ADAMTS18: variants seen among roughly 807,000 people sequenced by gnomAD.
ADAMTS18 encodes the protein A disintegrin and metalloproteinase with thrombospondin motifs 18.
A neutral mutation model predicts 165.9 loss-of-function variants in ADAMTS18; 157 were observed. The ratio of observed to expected loss-of-function variants is 0.95; its 90% CI spans 0.83 to 1.08. The LOEUF (loss-of-function observed/expected upper bound fraction) is 1.08, where lower values mean the gene tolerates loss of function less well. Among genes scored for constraint, ADAMTS18 ranks in the 50% least tolerant of loss-of-function variants. ADAMTS18 has a pLI of 0.00. For missense variants in ADAMTS18, 2,040 were observed against 1,534.0 expected, an observed-to-expected ratio of 1.33 and a Z score of -5.51; for synonymous variants, 782 against 578.2, an observed-to-expected ratio of 1.35 and a Z score of -5.06.
chr16:77,346,513 T>TA (rs35206986), intron 10 of ADAMTS18, among the ~76,000 whole-genome samples: 6 of 152,064 alleles, frequency 3.9e-5, no homozygotes, highest in East Asian at 1.9e-4. Context: ...CAGTATATGC[T>TA]AAAAAAAACT....
At chr16:77,290,867 A>ATTACATTGTTCAGAAACATGATG (rs1555508181) in intron 21 of ADAMTS18, 1 of 256,192 alleles carries the variant, frequency 3.9e-6, no homozygotes, top group Non-Finnish European at 7.6e-6. Flanking sequence ...AATATTAGCT[A>ATTACATTGTTCAGAAACATGATG]TTACATTGTT....
At chr16:77,416,379 C>T (rs1336541668) in intron 3 of ADAMTS18, among the ~76,000 whole-genome samples, 1 of 152,082 alleles carries the variant, frequency 6.6e-6, no homozygotes, top group Non-Finnish European at 1.5e-5. Context: ...GGGCTATGTC[C>T]CTACCCAAAT....
intron 3 of ADAMTS18, among the ~76,000 whole-genome samples, chr16:77,370,681 C>T (rs889424358): frequency 1.0e-3 from 157 of 151,992 alleles, no homozygotes; most frequent in African/African-American, 3.7e-3. Flanking sequence ...ACTCAGGAGG[C>T]GGAGGTTACA....
At chr16:77,421,750 G>GTC (rs962551444) in intron 3 of ADAMTS18, among the ~76,000 whole-genome samples, 1 of 151,966 alleles carries the variant, frequency 6.6e-6, no homozygotes, top group Non-Finnish European at 1.5e-5. Context: ...CACAAAGTAG[G>GTC]TCTCTCTCTC....
At chr16:77,342,358 C>T (rs2056411237) in intron 10 of ADAMTS18, among the ~76,000 whole-genome samples, 1 of 152,200 alleles carries the variant, frequency 6.6e-6, no homozygotes, top group Non-Finnish European at 1.5e-5. Flanking sequence ...CCTATCATTA[C>T]TACCTTTTTC....
At chr16:77,308,948 TA>T (rs1208788537) in intron 16 of ADAMTS18, among the ~76,000 whole-genome samples, 28 of 152,260 alleles carry the variant, frequency 1.8e-4, no homozygotes, top group Non-Finnish European at 3.7e-4. Context: ...CCAAACCCAA[TA>T]AAATAAACAT....
chr16:77,412,682 G>A (rs2057480068), intron 3 of ADAMTS18, among the ~76,000 whole-genome samples: 1 of 152,160 alleles, frequency 6.6e-6, no homozygotes. Flanking sequence ...GCAGGCAAGA[G>A]AGAATGAGAA....
At chr16:77,332,523 A>G (rs2056206365) in intron 12 of ADAMTS18, among the ~76,000 whole-genome samples, 1 of 152,142 alleles carries the variant, frequency 6.6e-6, no homozygotes, top group Admixed American at 6.6e-5. Context: ...ACATTTTTTT[A>G]TACATAAACC....
intron 16 of ADAMTS18, among the ~76,000 whole-genome samples, chr16:77,307,436 T>A (rs954044): frequency 6.6e-6 from 1 of 152,134 alleles, no homozygotes; most frequent in African/African-American, 2.4e-5. Flanking sequence ...GATTTGGAAA[T>A]GCATCTGTTA....
At chr16:77,372,694 A>T (rs1455736318) in intron 3 of ADAMTS18, among the ~76,000 whole-genome samples, 1 of 152,220 alleles carries the variant, frequency 6.6e-6, no homozygotes, top group Non-Finnish European at 1.5e-5. Flanking sequence ...CTCAGATTTC[A>T]CAACCCGAGA....
intron 8 of ADAMTS18, among the ~76,000 whole-genome samples, chr16:77,356,302 T>A (rs191773202): frequency 6.6e-6 from 1 of 152,282 alleles, no homozygotes; most frequent in East Asian, 1.9e-4. Flanking sequence ...GACCACAGAA[T>A]CAAAGAATGG....
chr16:77,348,323 G>C (rs2056507165), intron 10 of ADAMTS18, among the ~76,000 whole-genome samples: 1 of 152,068 alleles, frequency 6.6e-6, no homozygotes. Context: ...GCTGAGATCT[G>C]TGGCCAAATA....
chr16:77,348,954 C>T (rs189623778), intron 10 of ADAMTS18, among the ~76,000 whole-genome samples: 2 of 152,138 alleles, frequency 1.3e-5, no homozygotes, highest in East Asian at 3.9e-4. Flanking sequence ...CTTGTAGACA[C>T]GGAAAAGGAA....
In ADAMTS18 at chr16:77,434,861, C is replaced by T. The variant is rs1567564676; in HGVS notation, c.-166G>A. 1.6e-5 allele frequency: 8 copies of T among 493,738 alleles called. No individual in the cohort carries two copies. The highest frequency in any genetic ancestry group is 2.6e-5 in the Non-Finnish European group (8 of 312,420). 30.6% of individuals were successfully genotyped at this position (493,738 alleles called of 1,614,324 possible). A position where few individuals can be genotyped will look rare whatever the true frequency, so the allele number is the denominator to read the frequency against. On this transcript the variant is annotated 5_prime_UTR_variant, in exon 1 of 23. Transcript: ENST00000282849. ...CGGGGGCGCGCTGGGACCTCCCCTC[C>T]TCCGGCCGCCTGCGCGCCCTCCCTT... is the stretch of plus-strand genomic sequence containing the variant.
intron 16 of ADAMTS18, among the ~76,000 whole-genome samples, chr16:77,308,287 T>C (rs2055717581): frequency 6.6e-6 from 1 of 152,220 alleles, no homozygotes; most frequent in African/African-American, 2.4e-5. Flanking sequence ...TATCATGTCA[T>C]ACTGAATCAC....
chr16:77,375,002 C>A (rs1381635941), intron 3 of ADAMTS18, among the ~76,000 whole-genome samples: 1 of 151,908 alleles, frequency 6.6e-6, no homozygotes, highest in African/African-American at 2.4e-5. Context: ...ACCCAATACA[C>A]CCAAAAGAAA....
At position 77,325,990 on chromosome 16, in the gene ADAMTS18, C is replaced by T. The variant is rs1331008963; in HGVS notation, c.1908G>A (p.Gln636=). ...CATTGCAAGGGTTAATATTGCACAG[C>T]TGATAAATACGGCTAGAACCTGGAC... ...LFCPGSSRIY[Q]LCNINPCNEN... is the part of the protein sequence containing the mutation. The change falls in exon 13 of 23, where the codon CAG becomes CAA. Residue 636 remains glutamine, a synonymous_variant. Coordinates refer to ENST00000282849, the MANE Select transcript of ADAMTS18 (RefSeq NM_199355.4). 1 of 1,614,036 alleles carries T rather than the reference C, an allele frequency of 6.2e-7. No individual in the cohort carries two copies.
chr16:77,392,098 C>A (rs2057195711), intron 3 of ADAMTS18, among the ~76,000 whole-genome samples: 2 of 152,134 alleles, frequency 1.3e-5, no homozygotes, highest in South Asian at 4.1e-4. Context: ...CAATTGCTGA[C>A]CACACAGATG....
At position 77,367,702 on chromosome 16, in the gene ADAMTS18, T is replaced by C. The variant is rs200216561; in HGVS notation, c.517A>G (p.Lys173Glu). The C allele has an allele frequency of 1.7e-4, 268 of 1,614,228 alleles. 1 individual carries two copies. The highest frequency in any genetic ancestry group is 2.0e-4 in the South Asian group (18 of 91,086). ...AATGGCGAGATGAGGAATTCATTTT[T>C]TCGTGTCCTTATTAAACCTGACTAA... is the stretch of plus-strand genomic sequence containing the variant. ...AGLSGLIRTRKNEFLISPLPQ... is the reference protein window; with the variant it reads ...AGLSGLIRTRENEFLISPLPQ... Residue 173 changes from lysine (K) to glutamate (E), a missense_variant, in exon 4 of 23, where the codon AAA (lysine) becomes GAA (glutamate). Lys to Glu is a moderately conservative substitution (Grantham distance 56, BLOSUM62 1). Transcript: ENST00000282849.
Sources: gnomAD v4.1 joint callset for allele counts (sites outside exome capture counted in the v4.1 genomes callset) on GRCh38, gnomAD v4.1.1 for gene constraint, MANE v1.5 for transcripts, NCBI Gene and HGNC (gene_info 2026-07-23, HGNC 2026-07-21) for gene names.